The following CTNNA3 variants were observed in gnomAD, a reference collection of about 807,000 sequenced individuals.
CTNNA3 encodes catenin alpha 3.
CTNNA3 carries 76 observed loss-of-function variants against 95.7 expected under a neutral mutation model. That is an observed-to-expected ratio of 0.79 (90% confidence interval 0.66 to 0.96). The LOEUF (loss-of-function observed/expected upper bound fraction) is 0.96. Among genes scored for constraint, CTNNA3 ranks in the 40% least tolerant of loss-of-function variants. CTNNA3 has a pLI of 0.00. For missense variants in CTNNA3, 1,191 were observed against 1,089.8 expected (o/e 1.09, Z -1.31); for synonymous variants, 431 against 374.4 (o/e 1.15, Z -1.74).
At chr10:66,672,368 A>G (rs1264037048) in intron 9 of CTNNA3, among the ~76,000 whole-genome samples, 2 of 152,130 alleles carry the variant, frequency 1.3e-5, no homozygotes, top group African/African-American at 4.8e-5. Context: ...GCAAACAAAC[A>G]CTAGCAACCC....
chr10:67,716,786 G>T (rs2133615635), intron 1 of CTNNA3, among the ~76,000 whole-genome samples: 1 of 152,246 alleles, frequency 6.6e-6, no homozygotes, highest in Non-Finnish European at 1.5e-5. Flanking sequence ...AAACATATGT[G>T]TGCATGTGTG....
chr10:66,429,610 A>G (rs1234202964), intron 11 of CTNNA3, among the ~76,000 whole-genome samples: 1 of 152,228 alleles, frequency 6.6e-6, no homozygotes, highest in Non-Finnish European at 1.5e-5. Context: ...ACACAAATCA[A>G]TAAATGTAAT....
intron 12 of CTNNA3, among the ~76,000 whole-genome samples, chr10:66,347,445 C>A (rs1350193931): frequency 6.6e-6 from 1 of 151,790 alleles, no homozygotes; most frequent in African/African-American, 2.4e-5. Flanking sequence ...GAGATTCCGT[C>A]TCTACAAAAC....
chr10:66,604,489 G>A (rs900835752), intron 10 of CTNNA3, among the ~76,000 whole-genome samples: 8 of 152,068 alleles, frequency 5.3e-5, no homozygotes, highest in South Asian at 2.1e-4. Flanking sequence ...GCTGACATAC[G>A]CGGATGAAGA....
chr10:66,710,565 A>G (rs762532650), intron 9 of CTNNA3, among the ~76,000 whole-genome samples: 20 of 152,050 alleles, frequency 1.3e-4, no homozygotes, highest in Non-Finnish European at 2.6e-4. Context: ...GAATTAGCCT[A>G]TCTTTGTGAT....
chr10:67,763,461 G>A (rs1841473192), exon 1 of CTNNA3, among the ~76,000 whole-genome samples: 1 of 152,174 alleles, frequency 6.6e-6, no homozygotes, highest in African/African-American at 2.4e-5. Context: ...CAACATAGAG[G>A]CTTCCAAAGG....
intron 7 of CTNNA3, among the ~76,000 whole-genome samples, chr10:67,164,088 AG>A (rs1047269467): frequency 1.7e-5 from 2 of 119,400 alleles, no homozygotes; most frequent in African/African-American, 1.3e-4. Context: ...ATAAAACCTA[AG>A]AAAAAAATTT....
At chr10:67,643,664 C>G (rs1839612142) in intron 2 of CTNNA3, among the ~76,000 whole-genome samples, 1 of 151,852 alleles carries the variant, frequency 6.6e-6, no homozygotes, top group Non-Finnish European at 1.5e-5. Context: ...AGGTATTTCT[C>G]CTAATGCTAT....
chr10:67,725,804 C>A (rs1183178848), intron 1 of CTNNA3, among the ~76,000 whole-genome samples: 1 of 150,590 alleles, frequency 6.6e-6, no homozygotes, highest in African/African-American at 2.4e-5. Flanking sequence ...CCATGGCACC[C>A]CTTATTCGCC....
chr10:67,246,503 T>G (rs1460833938), intron 5 of CTNNA3, among the ~76,000 whole-genome samples: 2 of 152,088 alleles, frequency 1.3e-5, no homozygotes, highest in African/African-American at 2.4e-5. Context: ...CATACCAGAG[T>G]TAGCAAGAGC....
intron 12 of CTNNA3, among the ~76,000 whole-genome samples, chr10:66,308,106 T>C (rs1238680600): frequency 6.6e-6 from 1 of 152,200 alleles, no homozygotes; most frequent in East Asian, 1.9e-4. Context: ...TTTTATGCTT[T>C]AAACATTTTG....
In CTNNA3 at chr10:66,972,542, T is replaced by C. The variant is rs73314105; in HGVS notation, c.1048-197018A>G. The stretch of plus-strand genomic sequence containing the variant: ...TGGTCCATTTGCTCTCGGAGAATAG[T>C]TAACTTTGTCATTAACAGGCCCATC... On this transcript the variant is annotated intron_variant, in intron 7 of 17. Coordinates refer to ENST00000433211, the MANE Select transcript of CTNNA3 (RefSeq NM_013266.4). Among the ~76,000 whole-genome samples the C allele has an allele frequency of 7.1e-3, 1,085 of 152,202 alleles. 18 individuals carry two copies. Among genetic ancestry groups the C allele is most frequent in the African/African-American group, 0.025 (1,036 of 41,496 alleles).
chr10:67,067,953 C>G (rs1456669416), intron 7 of CTNNA3, among the ~76,000 whole-genome samples: 8 of 152,158 alleles, frequency 5.3e-5, no homozygotes, highest in Non-Finnish European at 1.2e-4. Context: ...AAGGTTTGTC[C>G]TGGCTTCACA....
At chr10:67,539,365 C>G in intron 4 of CTNNA3, 138 bp downstream of exon 4, 1 of 862,466 alleles carries the variant, frequency 1.2e-6, no homozygotes, top group Non-Finnish European at 1.8e-6. Context: ...TCTTCACAAC[C>G]CAGTCTAGTC....
intron 7 of CTNNA3, among the ~76,000 whole-genome samples, chr10:66,914,629 G>C (rs1389872682): frequency 3.3e-5 from 5 of 151,724 alleles, no homozygotes; most frequent in Non-Finnish European, 7.4e-5. Flanking sequence ...ATGAAGAAGG[G>C]GCAAAAAGAT....
intron 7 of CTNNA3, among the ~76,000 whole-genome samples, chr10:67,034,484 G>T (rs140235273): frequency 6.6e-6 from 1 of 152,156 alleles, no homozygotes; most frequent in Non-Finnish European, 1.5e-5. Context: ...ACTCTCTAGT[G>T]TCTTAGGCTC....
chr10:66,119,579 G>A (rs2082485867), intron 13 of CTNNA3, among the ~76,000 whole-genome samples: 1 of 152,088 alleles, frequency 6.6e-6, no homozygotes, highest in Non-Finnish European at 1.5e-5. Context: ...CTGTGTAATT[G>A]TAAAGCTTTT....
At chr10:65,934,176 A>G (rs2077298953) in intron 17 of CTNNA3, among the ~76,000 whole-genome samples, 2 of 152,192 alleles carry the variant, frequency 1.3e-5, no homozygotes, top group Admixed American at 6.5e-5. Flanking sequence ...AAGATTTGTT[A>G]CTTGCAATTA....
intron 13 of CTNNA3, among the ~76,000 whole-genome samples, chr10:66,276,918 T>C (rs1426714810): frequency 1.3e-5 from 2 of 152,098 alleles, no homozygotes; most frequent in African/African-American, 2.4e-5. Flanking sequence ...AAGGATGAAA[T>C]TGAGGCTAAG....
Sources: gnomAD v4.1 joint callset for allele counts (sites outside exome capture counted in the v4.1 genomes callset) on GRCh38, gnomAD v4.1.1 for gene constraint, MANE v1.5 for transcripts, NCBI Gene and HGNC (gene_info 2026-07-23, HGNC 2026-07-21) for gene names.